Variants in CARS2 observed in about 807,000 individuals in gnomAD.
The protein encoded by CARS2 is probable cysteine--tRNA ligase, mitochondrial.
CARS2 carries 52 observed loss-of-function variants against 68.8 expected under a neutral mutation model. The observed-to-expected ratio is 0.76, with a 90% CI of 0.61 to 0.95. The LOEUF is 0.95. Ranked by LOEUF, CARS2 falls within the 40% of genes least tolerant of loss-of-function variation. CARS2 has a pLI of 0.00. For synonymous variants in CARS2, 314 were observed against 303.6 expected (o/e 1.03, Z -0.36); for missense variants, 780 against 754.2 (o/e 1.03, Z -0.40).
At chr13:110,656,234 C>G (rs2062363594) in intron 9 of CARS2, among the ~76,000 whole-genome samples, 2 of 152,092 alleles carry the variant, frequency 1.3e-5, no homozygotes. Flanking sequence ...ACCTGGGAGG[C>G]AGAGGTTGCA....
chr13:110,700,761 A>G (rs919162117), intron 3 of CARS2, among the ~76,000 whole-genome samples: 2 of 152,250 alleles, frequency 1.3e-5, no homozygotes, highest in African/African-American at 4.8e-5. Context: ...ACAAATATGA[A>G]TACGTCCAAT....
Position 110,670,018 on chromosome 13 carries a change from T to C in CARS2, c.786-2545A>G, listed in dbSNP as rs2062758195. ...CGGCAGCGAGGCTGGGGGAGGGGCA[T>C]CTGCCATTGCTGAGGCTTGAGTAGG... On this transcript the variant is annotated intron_variant, in intron 7 of 14. Transcript: ENST00000257347. The surrounding 1 kb of genome is among the most constrained non-coding windows in gnomAD (Gnocchi z 4.1). 6.6e-6 allele frequency among the ~76,000 whole-genome samples: 1 copy of C among 152,164 alleles called. No homozygotes were observed. The highest frequency in any genetic ancestry group is 2.1e-4 in the South Asian group (1 of 4,824).
intron 8 of CARS2, chr13:110,664,508 C>A (rs2062593654): frequency 1.3e-6 from 1 of 776,002 alleles, no homozygotes; most frequent in Non-Finnish European, 1.6e-6. Flanking sequence ...CAGAGCGAGA[C>A]TCTGCCTCAA....
In CARS2 at chr13:110,642,502, C is replaced by T; in HGVS notation, c.1436G>A (p.Ser479Asn). The T allele has an allele frequency of 1.2e-6, 2 of 1,607,784 alleles. No homozygotes were observed. Among genetic ancestry groups the T allele is most frequent in the Non-Finnish European group, 1.7e-6 (2 of 1,177,492 alleles). Residue 479 changes from serine to asparagine, a missense_variant, in exon 14 of 15, where the codon AGC (serine) becomes AAC (asparagine). Coordinates refer to ENST00000257347, the MANE Select transcript of CARS2 (RefSeq NM_024537.4). ...CACCACACCATGCAAGGTAGCCTCG[C>T]TGCCGTCTCCTGAAACGTACTGAAG... ...ANQQYVSGDG[S>N]EATLHGVVDE... is the part of the protein sequence containing the mutation.
At chr13:110,644,658 C>G in intron 12 of CARS2, 175 bp from the exon 13 acceptor site, 1 of 1,105,766 alleles carries the variant, frequency 9.0e-7, no homozygotes, top group South Asian at 1.7e-5. Flanking sequence ...GCAGACCATA[C>G]AACTATAGGT....
chr13:110,663,032 GA>G (rs1201935366), intron 9 of CARS2: 3 of 459,968 alleles, frequency 6.5e-6, no homozygotes, highest in Non-Finnish European at 1.3e-5. Context: ...GTTGGTTAAG[GA>G]TCCAGCCAGC....
At chr13:110,680,161 G>C (rs1298322927) in intron 6 of CARS2, among the ~76,000 whole-genome samples, 9 of 72,576 alleles carry the variant, frequency 1.2e-4, no homozygotes, top group African/African-American at 2.2e-4. Context: ...GGGGGGGGGG[G>C]GGGGTGGATC....
In CARS2 at chr13:110,642,349, C is replaced by A; in HGVS notation, c.1589G>T (p.Arg530Leu). The change falls in exon 14 of 15, where the codon CGC becomes CTC. Residue 530 changes from arginine (R) to leucine (L), a missense_variant. Physicochemically the swap from Arg to Leu is moderately radical, Grantham distance 102. Coordinates refer to ENST00000257347, the MANE Select transcript of CARS2 (RefSeq NM_024537.4). ...GATGCCGTGGGCAGTCAGGCCCCGG[C>A]GCAGGGTGTCGCATGCTTCCAGCAG... ...QPLLEACDTL[R>L]RGLTAHGINI... is the part of the protein sequence containing the mutation. 6.4e-7 allele frequency: 1 copy of A among 1,552,002 alleles called. No individual in the cohort carries two copies.
At chr13:110,681,290 T>G (rs944251362) in intron 6 of CARS2, among the ~76,000 whole-genome samples, 12 of 152,370 alleles carry the variant, frequency 7.9e-5, no homozygotes, top group African/African-American at 2.9e-4. Context: ...CACCATTGCT[T>G]TGGAAATAAC....
intron 14 of CARS2, 64 bp from the exon 15 acceptor site, chr13:110,641,672 C>T: frequency 7.7e-7 from 1 of 1,292,606 alleles, no homozygotes; most frequent in Non-Finnish European, 1.1e-6. Context: ...AGGGGGCTGA[C>T]AGGCGTAATC....
chr13:110,663,159 A>C lies in CARS2; in HGVS notation c.987+292T>G, dbSNP rs376834. 0.82 allele frequency: 449,866 copies of C among 546,606 alleles called. 186,489 individuals carry two copies. The highest frequency in any genetic ancestry group is 0.85 in the East Asian group (20,929 of 24,480). 33.9% of individuals were successfully genotyped at this position (546,606 alleles called of 1,614,324 possible). A position where few individuals can be genotyped will look rare whatever the true frequency, so the allele number is the denominator to read the frequency against. Reference sequence around the variant, plus strand: ...GCAGATGCACCAAGAGGGAGACAACAATTATAAAAGGAAAAGGCAAGGAAG... The same window carrying C: ...GCAGATGCACCAAGAGGGAGACAACCATTATAAAAGGAAAAGGCAAGGAAG... On this transcript the variant is annotated intron_variant, in intron 9 of 14. Transcript: ENST00000257347.
rs778744208 is a variant in CARS2, at chr13:110,683,043, C to T, written c.655+8G>A. The T allele has an allele frequency of 1.0e-5, 16 of 1,595,606 alleles. No homozygotes were observed. The highest frequency in any genetic ancestry group is 1.3e-5 in the Non-Finnish European group (15 of 1,173,594). On this transcript the variant is annotated splice_region_variant and intron_variant, in intron 6 of 14. Transcript: ENST00000257347. Reference sequence around the variant, plus strand: ...AGGGACCCACAGGGCTGAGCCCGGCCAACCCACCTGGCTCTCCGACTGGAC... The same window carrying T: ...AGGGACCCACAGGGCTGAGCCCGGCTAACCCACCTGGCTCTCCGACTGGAC...
At chr13:110,713,096 C>T (rs1166544497) in intron 1 of CARS2, 2 of 1,439,420 alleles carry the variant, frequency 1.4e-6, no homozygotes, top group African/African-American at 1.4e-5. Context: ...TCCCGGAGGA[C>T]TTGGGTTTCT....
chr13:110,683,160 C>A (rs746801585), intron 5 of CARS2, 26 bp from the exon 6 acceptor site: 15 of 1,466,182 alleles, frequency 1.0e-5, no homozygotes, highest in Non-Finnish European at 1.3e-5. Flanking sequence ...ATTATGAATT[C>A]ATCACTTCTC....
intron 10 of CARS2, chr13:110,648,404 G>A (rs1423940880): frequency 6.6e-6 from 1 of 152,242 alleles, no homozygotes; most frequent in Non-Finnish European, 1.5e-5. Context: ...TCAAGGTCAA[G>A]GACAGCTGCA....
At chr13:110,700,827 G>A (rs1053311998) in intron 3 of CARS2, among the ~76,000 whole-genome samples, 2 of 152,210 alleles carry the variant, frequency 1.3e-5, no homozygotes, top group Non-Finnish European at 2.9e-5. Flanking sequence ...CTTGGAGGCC[G>A]AGGGGCCAGG....
Position 110,701,398 on chromosome 13 carries a change from T to C in CARS2, c.393+40A>G, listed in dbSNP as rs570543282. The C allele has an allele frequency of 3.6e-4, 340 of 944,576 alleles. 2 individuals carry two copies. In the South Asian group the frequency reaches 4.3e-3, roughly 12 times the overall value. 58.5% of individuals were successfully genotyped at this position (944,576 alleles called of 1,614,324 possible). On this transcript the variant is annotated intron_variant, in intron 3 of 14. Transcript: ENST00000257347. ...TTTCAGGAAGGGCTCAGAACACTAA[T>C]CAATGGCATTATCAATAGATGTAAC...
intron 5 of CARS2, among the ~76,000 whole-genome samples, chr13:110,684,964 C>T (rs974765786): frequency 6.6e-6 from 1 of 152,090 alleles, no homozygotes; most frequent in African/African-American, 2.4e-5. Flanking sequence ...TATATTTATA[C>T]TATCATTAAA....
chr13:110,654,316 T>G (rs1327620349), intron 9 of CARS2, among the ~76,000 whole-genome samples: 2 of 152,202 alleles, frequency 1.3e-5, no homozygotes, highest in African/African-American at 4.8e-5. Flanking sequence ...TCTTTCTACG[T>G]GGACTGTGGC....
Sources: allele counts gnomAD v4.1 joint callset (sites outside exome capture counted in the v4.1 genomes callset), GRCh38; gene constraint gnomAD v4.1.1; non-coding constraint Gnocchi (gnomAD v3.1); transcripts MANE v1.5; gene names NCBI Gene and HGNC (gene_info 2026-07-23, HGNC 2026-07-21).